SVEP1: variants seen among roughly 807,000 people sequenced by gnomAD.
The protein encoded by SVEP1 is sushi, von Willebrand factor type A, EGF and pentraxin domain containing 1.
A neutral mutation model predicts 367.3 loss-of-function variants in SVEP1; 164 were observed. The observed-to-expected ratio is 0.45, with a 90% CI of 0.39 to 0.51. The LOEUF (loss-of-function observed/expected upper bound fraction) is 0.51, where lower values mean the gene tolerates loss of function less well. Ranked by LOEUF, SVEP1 falls within the 20% of genes least tolerant of loss-of-function variation. The pLI is 0.00. For missense variants in SVEP1, 4,117 were observed against 4,425.3 expected, an observed-to-expected ratio of 0.93 and a Z score of 1.98; for synonymous variants, 1,666 against 1,611.6, an observed-to-expected ratio of 1.03 and a Z score of -0.81.
intron 39 of SVEP1, among the ~76,000 whole-genome samples, chr9:110,403,116 A>G (rs1827888004): frequency 6.6e-6 from 1 of 152,036 alleles, no homozygotes; most frequent in African/African-American, 2.4e-5. Context: ...TTGAAGTGAA[A>G]GTCTGCTATA....
intron 36 of SVEP1, among the ~76,000 whole-genome samples, chr9:110,425,650 TA>T (rs1828243212): frequency 6.6e-6 from 1 of 152,256 alleles, no homozygotes; most frequent in African/African-American, 2.4e-5. Flanking sequence ...ATCGTTTTCA[TA>T]ATTGTCTTAA....
In SVEP1 at chr9:110,503,154, A is replaced by T. The variant is rs1829565121; in HGVS notation, c.1367T>A (p.Met456Lys). ...AACCAAACATGTTGTCTTATATAAC[A>T]TTTCCCTTGTAGAACAGCTGATGTG... ...HGHISCSTREMLYKTTCLVAC... is the reference protein window; with the variant it reads ...HGHISCSTREKLYKTTCLVAC... Residue 456 changes from methionine to lysine, a missense_variant, in exon 6 of 48, where the codon ATG (methionine) becomes AAG (lysine). Met to Lys is a moderately conservative substitution (Grantham distance 95). Transcript: ENST00000374469. 1.9e-6 allele frequency: 3 copies of T among 1,613,828 alleles called. No individual in the cohort carries two copies. Among genetic ancestry groups the T allele is most frequent in the Non-Finnish European group, 2.5e-6 (3 of 1,179,788 alleles).
At chr9:110,444,488 A>T (rs1315839574) in intron 26 of SVEP1, among the ~76,000 whole-genome samples, 1 of 152,342 alleles carries the variant, frequency 6.6e-6, no homozygotes, top group East Asian at 1.9e-4. Flanking sequence ...ATGGACTAAG[A>T]CAGTTGCTCA....
chr9:110,455,684 G>T lies in SVEP1; in HGVS notation c.3693C>A (p.Asp1231Glu). The T allele has an allele frequency of 6.2e-7, 1 of 1,611,508 alleles. No individual in the cohort carries two copies. Among genetic ancestry groups the T allele is most frequent in the South Asian group, 1.1e-5 (1 of 90,350 alleles). ...AAGGCAGTGGGCTGCACTCATCGAT[G>T]TCTGTTTCACACTTTAAGCCTACAA... ...LGYTGLKCET[D>E]IDECSPLPCL... The change falls in exon 22 of 48, where the codon GAC becomes GAA. Residue 1231 changes from aspartate (D) to glutamate (E), a missense_variant. By Grantham distance (45) the Asp-to-Glu change is conservative. Coordinates refer to ENST00000374469, the MANE Select transcript of SVEP1 (RefSeq NM_153366.4).
Position 110,513,117 on chromosome 9 carries a change from A to C in SVEP1, c.1124-12T>G, listed in dbSNP as rs749928115. ...AGGGCAGTGGACAACTAACATTTAC[A>C]AAAATAAAATTGAAAAGCAAAGTTA... On this transcript the variant is annotated splice_polypyrimidine_tract_variant and intron_variant, in intron 4 of 47. Transcript: ENST00000374469. 1.3e-6 allele frequency: 2 copies of C among 1,589,714 alleles called. No individual in the cohort carries two copies. The highest frequency in any genetic ancestry group is 2.3e-5 in the South Asian group (2 of 87,162).
At chr9:110,575,084 A>G (rs77748855) in intron 1 of SVEP1, among the ~76,000 whole-genome samples, 1 of 151,806 alleles carries the variant, frequency 6.6e-6, no homozygotes, top group South Asian at 2.1e-4. Flanking sequence ...TCATAGCCCA[A>G]CCAAAATGAG....
intron 1 of SVEP1, 34 bp downstream of exon 1, chr9:110,578,979 C>T: frequency 1.3e-6 from 2 of 1,542,642 alleles, no homozygotes; most frequent in South Asian, 2.4e-5. Context: ...GGCCCGGGGA[C>T]TAGGGCCCGG....
intron 12 of SVEP1, among the ~76,000 whole-genome samples, chr9:110,480,362 A>G (rs533325199): frequency 3.6e-4 from 55 of 152,170 alleles, no homozygotes; most frequent in Admixed American, 6.6e-4. Flanking sequence ...GTTTGGGGGG[A>G]AAATAGCTCT....
chr9:110,528,131 CGTGTGTGTGTGTGT>C (rs35039778), intron 3 of SVEP1, among the ~76,000 whole-genome samples: 4 of 65,386 alleles, frequency 6.1e-5, no homozygotes, highest in African/African-American at 2.3e-4. Context: ...TACATACACA[CGTGTGTGTGTGTGT>C]GTGTGTGTGT....
At chr9:110,453,332 T>A (rs1828724989) in intron 22 of SVEP1, among the ~76,000 whole-genome samples, 1 of 152,032 alleles carries the variant, frequency 6.6e-6, no homozygotes, top group African/African-American at 2.4e-5. Context: ...TATTAGAATA[T>A]ATCATCAATA....
At chr9:110,480,823 G>A (rs1359771686) in intron 12 of SVEP1, among the ~76,000 whole-genome samples, 1 of 151,606 alleles carries the variant, frequency 6.6e-6, no homozygotes, top group Non-Finnish European at 1.5e-5. Context: ...TATTTTTGTA[G>A]AGATGGTAGG....
Position 110,579,107 on chromosome 9 carries a change from C to A in SVEP1, c.437G>T (p.Arg146Leu). Residue 146 changes from arginine (R) to leucine (L), a missense_variant, in exon 1 of 48, where the codon CGC (arginine) becomes CTC (leucine). By Grantham distance (102) the Arg-to-Leu change is moderately radical. This residue lies in a region of SVEP1 where 2,174 missense variants were observed against 2,494.3 expected (regional missense o/e 0.87). Transcript: ENST00000374469. This position sits in a 1 kb window ranked among gnomAD's most constrained non-coding sequence, Gnocchi z 5.3. ...GAGGAGCAGCGCGCACTTGTGCTGG[C>A]GCGCGCGGCGGGTGGAGATGTAATC... ...RVDYISTRRARQHKCALLLQE... is the reference protein window; with the variant it reads ...RVDYISTRRALQHKCALLLQE... 6.4e-7 allele frequency: 1 copy of A among 1,553,590 alleles called. No homozygotes were observed. Among genetic ancestry groups the A allele is most frequent in the Non-Finnish European group, 8.7e-7 (1 of 1,148,936 alleles).
intron 18 of SVEP1, 88 bp from the exon 19 acceptor site, chr9:110,459,201 C>A: frequency 1.6e-6 from 2 of 1,228,576 alleles, no homozygotes; most frequent in Non-Finnish European, 2.3e-6. Flanking sequence ...ATATAAGAAA[C>A]CTACTGAATT....
chr9:110,457,137 AC>A, intron 21 of SVEP1, 118 bp downstream of exon 21: 1 of 736,934 alleles, frequency 1.4e-6, no homozygotes, highest in Non-Finnish European at 2.1e-6. Context: ...AAATTTTGGC[AC>A]ATTTACATGG....
rs773963748 is a variant in SVEP1 at position 110,499,127 on chromosome 9, C to A, written c.1595G>T (p.Gly532Val). The A allele has an allele frequency of 6.2e-7, 1 of 1,613,676 alleles. No homozygotes were observed. The highest frequency in any genetic ancestry group is 1.7e-5 in the Admixed American group (1 of 59,942). The change falls in exon 7 of 48, where the codon GGG becomes GTG. Residue 532 changes from glycine (G) to valine (V), a missense_variant. By Grantham distance (109) the Gly-to-Val change is moderately radical (BLOSUM62 -3). This residue lies in a region of SVEP1 where 2,174 missense variants were observed against 2,494.3 expected (regional missense o/e 0.87). Transcript: ENST00000374469. ...GTICYVSCRQGFILSGVKEML... is the reference protein window; with the variant it reads ...GTICYVSCRQVFILSGVKEML... ...TTCTTTGACTCCAGATAAAATGAAC[C>A]CTTGGCGGCAACTTACATAGCAGAT...
intron 43 of SVEP1, among the ~76,000 whole-genome samples, chr9:110,381,849 T>C (rs943173390): frequency 6.6e-6 from 1 of 150,616 alleles, no homozygotes; most frequent in Non-Finnish European, 1.5e-5. Flanking sequence ...TCTAAGAACT[T>C]GATTTATGAA....
chr9:110,427,784 T>G, intron 35 of SVEP1, 26 bp from the exon 36 acceptor site: 2 of 1,594,892 alleles, frequency 1.3e-6, no homozygotes. Context: ...ATGTTACTCT[T>G]TCATTGGCTA....
chr9:110,574,326 G>T (rs1830600928), intron 1 of SVEP1, among the ~76,000 whole-genome samples: 1 of 152,224 alleles, frequency 6.6e-6, no homozygotes, highest in African/African-American at 2.4e-5. Context: ...AACAGAAAAG[G>T]TTTGAAAAAC....
At chr9:110,446,677 T>C (rs545145032) in intron 25 of SVEP1, among the ~76,000 whole-genome samples, 14 of 152,326 alleles carry the variant, frequency 9.2e-5, no homozygotes, top group Admixed American at 7.8e-4. Flanking sequence ...CAATTTTCTC[T>C]ATTTCCCCCC....
Sources: gnomAD v4.1 joint callset for allele counts (sites outside exome capture counted in the v4.1 genomes callset) on GRCh38, gnomAD v4.1.1 for gene constraint, gnomAD v4.1.1 regional missense constraint, Gnocchi (gnomAD v3.1) non-coding constraint, MANE v1.5 for transcripts, NCBI Gene and HGNC (gene_info 2026-07-23, HGNC 2026-07-21) for gene names.